The following CNTN6 variants were observed in gnomAD, a reference collection of about 807,000 sequenced individuals.
CNTN6 encodes contactin-6.
In CNTN6, 137 loss-of-function variants were observed where a neutral mutation model predicts 122.8. That is an observed-to-expected ratio of 1.12 (90% confidence interval 0.97 to 1.29). The LOEUF (loss-of-function observed/expected upper bound fraction) is 1.29. CNTN6 is among the 50% of genes most tolerant of loss of function. The probability of loss-of-function intolerance (pLI) is 0.00; values close to 1 mark genes in which losing one functional copy is unlikely to be tolerated. For missense variants in CNTN6, 1,634 were observed against 1,223.4 expected (o/e 1.34, Z -5.01); for synonymous variants, 570 against 426.0 (o/e 1.34, Z -4.16).
intron 5 of CNTN6, among the ~76,000 whole-genome samples, chr3:1,291,964 G>A (rs1695400801): frequency 6.6e-6 from 1 of 152,080 alleles, no homozygotes; most frequent in South Asian, 2.1e-4. Flanking sequence ...GGAGATCAAA[G>A]GAATGTTGAG....
chr3:1,222,985 T>C (rs1329753044), intron 3 of CNTN6, among the ~76,000 whole-genome samples: 1 of 152,170 alleles, frequency 6.6e-6, no homozygotes, highest in Admixed American at 6.5e-5. Flanking sequence ...ACTTTATTGA[T>C]AATAAAGCAA....
rs541212620 is a variant in CNTN6, at chr3:1,241,507, T to C, written c.358+13514T>C. On this transcript the variant is annotated intron_variant, in intron 4 of 22. Transcript: ENST00000446702. ...TGGCCTGGATATGGTTTTGGATGAA[T>C]TGAGAAGCTAAACGGAAGATACAAG... Among the ~76,000 whole-genome samples, 6 of 152,022 alleles carry C rather than the reference T, an allele frequency of 3.9e-5. No homozygotes were observed. The East Asian group carries it at 5.8e-4, about 15-fold the overall frequency.
chr3:1,163,267 T>C (rs1222265459), intron 2 of CNTN6, among the ~76,000 whole-genome samples: 3 of 152,218 alleles, frequency 2.0e-5, no homozygotes, highest in African/African-American at 4.8e-5. Context: ...CTGTGTTTCA[T>C]CAAACTTTTT....
rs189716428 is a variant in CNTN6 at position 1,179,247 on chromosome 3, C to A, written c.55+31184C>A. ...TCATGAGGGATCTGCCCTCAGGACC[C>A]AAACTATTCCCACTAGGCCCACTTC... On this transcript the variant is annotated intron_variant, in intron 2 of 22. Transcript: ENST00000446702. 3.4e-4 allele frequency among the ~76,000 whole-genome samples: 52 copies of A among 152,254 alleles called. No individual in the cohort carries two copies. In the East Asian group the frequency reaches 9.9e-3, roughly 29 times the overall value.
intron 4 of CNTN6, among the ~76,000 whole-genome samples, chr3:1,235,053 G>A (rs979488158): frequency 6.6e-6 from 1 of 152,086 alleles, no homozygotes; most frequent in Non-Finnish European, 1.5e-5. Flanking sequence ...CCACACTATC[G>A]CTGCTGGAAA....
At chr3:1,346,676 T>C (rs566587331) in intron 11 of CNTN6, among the ~76,000 whole-genome samples, 1 of 152,206 alleles carries the variant, frequency 6.6e-6, no homozygotes, top group Admixed American at 6.5e-5. Context: ...CATTTTTCTT[T>C]ATAAATTACT....
At chr3:1,384,812 CATATATATATAT>C (rs60437325) in intron 19 of CNTN6, among the ~76,000 whole-genome samples, 1 of 118,500 alleles carries the variant, frequency 8.4e-6, no homozygotes, top group Non-Finnish European at 1.8e-5. Context: ...CACACACACA[CATATATATATAT>C]ATATATAACC....
At chr3:1,302,559 A>T (rs1227455501) in intron 7 of CNTN6, among the ~76,000 whole-genome samples, 1 of 152,018 alleles carries the variant, frequency 6.6e-6, no homozygotes, top group Non-Finnish European at 1.5e-5. Flanking sequence ...ATATAGAAAG[A>T]CCAGCTCCAG....
chr3:1,263,016 C>A (rs1207354196), intron 4 of CNTN6, among the ~76,000 whole-genome samples: 2 of 151,978 alleles, frequency 1.3e-5, no homozygotes, highest in Non-Finnish European at 2.9e-5. Context: ...TTATTTAGGG[C>A]CATTTGACAT....
At chr3:1,095,381 G>T (rs1472738282) in intron 1 of CNTN6, among the ~76,000 whole-genome samples, 1 of 152,174 alleles carries the variant, frequency 6.6e-6, no homozygotes, top group Admixed American at 6.5e-5. Context: ...TGAGGCAGGA[G>T]AATCACTTGA....
At chr3:1,366,113 T>C (rs1708180222) in intron 12 of CNTN6, among the ~76,000 whole-genome samples, 1 of 152,228 alleles carries the variant, frequency 6.6e-6, no homozygotes, top group Non-Finnish European at 1.5e-5. Context: ...TATGAGGAGC[T>C]CACGTTTTGA....
At chr3:1,282,947 C>T (rs1693718577) in intron 5 of CNTN6, among the ~76,000 whole-genome samples, 1 of 152,166 alleles carries the variant, frequency 6.6e-6, no homozygotes, top group Admixed American at 6.5e-5. Flanking sequence ...GGTCATCCCT[C>T]AGTTCATGCA....
At chr3:1,121,652 AT>A (rs998863965) in intron 1 of CNTN6, among the ~76,000 whole-genome samples, 2 of 151,588 alleles carry the variant, frequency 1.3e-5, no homozygotes, top group African/African-American at 4.8e-5. Flanking sequence ...TGCCTTTCTG[AT>A]TTTTTTTGAA....
At chr3:1,385,893 T>G in intron 20 of CNTN6, 96 bp downstream of exon 20, 1 of 1,187,290 alleles carries the variant, frequency 8.4e-7, no homozygotes, top group Non-Finnish European at 1.2e-6. Context: ...CTCATTTCTT[T>G]ACTAATTGGT....
intron 2 of CNTN6, among the ~76,000 whole-genome samples, chr3:1,190,953 T>C (rs980962084): frequency 2.0e-4 from 31 of 152,200 alleles, no homozygotes; most frequent in Admixed American, 2.0e-3. Flanking sequence ...AAATATATGC[T>C]ACTTCTACTT....
intron 11 of CNTN6, among the ~76,000 whole-genome samples, chr3:1,349,570 A>G (rs568025813): frequency 8.6e-5 from 13 of 152,016 alleles, no homozygotes; most frequent in African/African-American, 3.1e-4. Context: ...ACCATCAATT[A>G]AAATGTTCCA....
chr3:1,174,963 G>T (rs181329163), intron 2 of CNTN6, among the ~76,000 whole-genome samples: 8 of 152,282 alleles, frequency 5.3e-5, no homozygotes, highest in Non-Finnish European at 1.5e-5. Context: ...TTGGCAGAGT[G>T]TGGTGGGCCA....
chr3:1,275,357 C>T (rs561345471), intron 4 of CNTN6, among the ~76,000 whole-genome samples: 1 of 152,310 alleles, frequency 6.6e-6, no homozygotes, highest in South Asian at 2.1e-4. Flanking sequence ...GCTTTTTCCC[C>T]AAACTCTACT....
At chr3:1,324,536 G>A (rs1458902346) in intron 8 of CNTN6, among the ~76,000 whole-genome samples, 1 of 149,506 alleles carries the variant, frequency 6.7e-6, no homozygotes, top group Admixed American at 6.6e-5. Context: ...GTTTGGATGT[G>A]CCAGTAGTTT....
Sources: allele counts gnomAD v4.1 joint callset (sites outside exome capture counted in the v4.1 genomes callset), GRCh38; gene constraint gnomAD v4.1.1; transcripts MANE v1.5; gene names NCBI Gene and HGNC (gene_info 2026-07-23, HGNC 2026-07-21).